The following DYNC2H1 variants were observed in gnomAD, a reference collection of about 807,000 sequenced individuals.
DYNC2H1 encodes dynein cytoplasmic 2 heavy chain 1.
In DYNC2H1, 410 loss-of-function variants were observed where a neutral mutation model predicts 570.0. The observed-to-expected ratio is 0.72, with a 90% CI of 0.66 to 0.78. The LOEUF (loss-of-function observed/expected upper bound fraction) is 0.78, where lower values mean the gene tolerates loss of function less well. DYNC2H1 is among the 30% of genes least tolerant of loss of function. The pLI is 0.00. For synonymous variants in DYNC2H1, 1,688 were observed against 1,677.6 expected (o/e 1.01, Z -0.15); for missense variants, 4,865 against 5,046.4 (o/e 0.96, Z 1.09).
Position 103,185,821 on chromosome 11 carries a change from T to C in DYNC2H1, c.6634-421T>C. Among the ~76,000 whole-genome samples the C allele has an allele frequency of 6.6e-6, 1 of 151,940 alleles. No individual in the cohort carries two copies. Among genetic ancestry groups the C allele is most frequent in the Admixed American group, 6.6e-5 (1 of 15,184 alleles). ...GGGCTAACTCTGCTTTATATATGCA[T>C]AGATAACAGTTTTCAGTATTAAAAA... On this transcript the variant is annotated intron_variant, in intron 41 of 88. Coordinates refer to ENST00000375735, the MANE Select transcript of DYNC2H1 (RefSeq NM_001377.3). This position sits in a 1 kb window ranked among gnomAD's most constrained non-coding sequence, Gnocchi z 4.5.
rs754742982 is a variant in DYNC2H1, at chr11:103,120,677, T to A, written c.1135-12T>A. 6.2e-7 allele frequency: 1 copy of A among 1,610,240 alleles called. No individual in the cohort carries two copies. The highest frequency in any genetic ancestry group is 1.3e-5 in the African/African-American group (1 of 74,916). On this transcript the variant is annotated splice_polypyrimidine_tract_variant and intron_variant, in intron 7 of 88. Coordinates refer to ENST00000375735, the MANE Select transcript of DYNC2H1 (RefSeq NM_001377.3). ...AAATACTAAAGTCTAACAATGTTGT[T>A]AATGTATGTAGCCCTTGTGGAAAGC...
intron 85 of DYNC2H1, among the ~76,000 whole-genome samples, chr11:103,444,598 G>A (rs1285544742): frequency 6.6e-6 from 1 of 152,184 alleles, no homozygotes; most frequent in Non-Finnish European, 1.5e-5. Flanking sequence ...ATATAAGGAT[G>A]CTGTAAAGCA....
At chr11:103,270,618 A>G (rs935319549) in intron 70 of DYNC2H1, among the ~76,000 whole-genome samples, 3 of 151,122 alleles carry the variant, frequency 2.0e-5, no homozygotes, top group African/African-American at 4.9e-5. Context: ...ATCTTATTGT[A>G]CTCTACTCAC....
At chr11:103,276,375 A>C (rs957403205) in intron 70 of DYNC2H1, among the ~76,000 whole-genome samples, 3 of 152,158 alleles carry the variant, frequency 2.0e-5, no homozygotes, top group Non-Finnish European at 2.9e-5. Context: ...CTGTAGGTTT[A>C]TAATTACACA....
Position 103,181,556 on chromosome 11 carries a change from ATATAT to A in DYNC2H1, c.6348-197_6348-193del, listed in dbSNP as rs1158111369. Among the ~76,000 whole-genome samples, 1 of 151,678 alleles carries A rather than the reference ATATAT, an allele frequency of 6.6e-6. No homozygotes were observed. The highest frequency in any genetic ancestry group is 1.5e-5 in the Non-Finnish European group (1 of 67,720). On this transcript the variant is annotated intron_variant, in intron 39 of 88. Transcript: ENST00000375735. The surrounding 1 kb of genome is among the most constrained non-coding windows in gnomAD (Gnocchi z 5.0). Reference sequence around the variant, plus strand: ...TATACCTATATGCATGTGTGTTTGTATATATTATGTGTATGTATACACACACACAG... The same window carrying A: ...TATACCTATATGCATGTGTGTTTGTATATGTGTATGTATACACACACACAG...
rs184263752 is a variant in DYNC2H1, at chr11:103,109,710, G to C, written c.136G>C (p.Gly46Arg). 6.2e-7 allele frequency: 1 copy of C among 1,613,860 alleles called. No individual in the cohort carries two copies. The highest frequency in any genetic ancestry group is 2.2e-5 in the East Asian group (1 of 44,872). Residue 46 changes from glycine to arginine, a missense_variant, in exon 1 of 89, where the codon GGC becomes CGC. Physicochemically the swap from Gly to Arg is moderately radical, Grantham distance 125. Around this residue, in one of 5 missense-constraint regions of DYNC2H1, gnomAD observed 1,936 missense variants for 1,962.1 expected, o/e 0.99. Transcript: ENST00000375735. Reference protein sequence around the residue: ...CLEINNFLDDGNQMLLRVQRS... With the variant: ...CLEINNFLDDRNQMLLRVQRS... ...TGAAATCAACAACTTCTTGGATGACGGCAACCAGATGCTCCTCAGGGTGCA... is the reference window on the plus strand; with the variant it reads ...TGAAATCAACAACTTCTTGGATGACCGCAACCAGATGCTCCTCAGGGTGCA...
At chr11:103,137,139 T>C (rs1408139373) in intron 17 of DYNC2H1, among the ~76,000 whole-genome samples, 1 of 148,120 alleles carries the variant, frequency 6.8e-6, no homozygotes, top group Non-Finnish European at 1.5e-5. Context: ...CTTTGTCAGA[T>C]GAGTAGGTTG....
intron 17 of DYNC2H1, among the ~76,000 whole-genome samples, chr11:103,138,108 C>T (rs1859677846): frequency 6.6e-6 from 1 of 151,890 alleles, no homozygotes; most frequent in Admixed American, 6.6e-5. Flanking sequence ...AGTTGCTTAT[C>T]AGCTTAAGGA....
In DYNC2H1 at chr11:103,253,282, T is replaced by C; in HGVS notation, c.10043-3T>C. ...CAACCAATTGTGTGTTTTTTTTAAA[T>C]AGGACCACGTTATGTGGTACAAATA... is the stretch of plus-strand genomic sequence containing the variant. On this transcript the variant is annotated splice_region_variant and splice_polypyrimidine_tract_variant and intron_variant, in intron 65 of 88. Coordinates refer to ENST00000375735, the MANE Select transcript of DYNC2H1 (RefSeq NM_001377.3). 3 of 1,599,840 alleles carry C rather than the reference T, an allele frequency of 1.9e-6. No homozygotes were observed. The highest frequency in any genetic ancestry group is 2.6e-6 in the Non-Finnish European group (3 of 1,172,674).
chr11:103,316,485 A>T, intron 79 of DYNC2H1, 60 bp from the exon 80 acceptor site: 1 of 1,154,812 alleles, frequency 8.7e-7, no homozygotes, highest in Non-Finnish European at 1.2e-6. Context: ...ACAGTGATAC[A>T]TACATATATA....
intron 83 of DYNC2H1, among the ~76,000 whole-genome samples, chr11:103,382,594 C>G (rs184211138): frequency 1.3e-5 from 2 of 152,102 alleles, no homozygotes; most frequent in African/African-American, 4.8e-5. Context: ...CTTTGTGGTA[C>G]GATACTTATT....
chr11:103,215,551 G>C (rs1263438634), intron 54 of DYNC2H1, among the ~76,000 whole-genome samples, 170 bp from the exon 55 acceptor site: 1 of 152,132 alleles, frequency 6.6e-6, no homozygotes, highest in Non-Finnish European at 1.5e-5. Context: ...TGAGTATCAT[G>C]TGAAATAAAT....
At chr11:103,345,394 T>C (rs1036936186) in intron 82 of DYNC2H1, among the ~76,000 whole-genome samples, 2 of 152,220 alleles carry the variant, frequency 1.3e-5, no homozygotes, top group South Asian at 2.1e-4. Flanking sequence ...AGAATTGTTA[T>C]GTCAAATTGT....
At position 103,252,721 on chromosome 11, in the gene DYNC2H1, G is replaced by A. The variant is rs1001436493; in HGVS notation, c.10043-564G>A. Among the ~76,000 whole-genome samples, 1 of 151,966 alleles carries A rather than the reference G, an allele frequency of 6.6e-6. No individual in the cohort carries two copies. The highest frequency in any genetic ancestry group is 1.5e-5 in the Non-Finnish European group (1 of 67,962). The stretch of plus-strand genomic sequence containing the variant: ...ATCTTTCTGCTATTGAATTGTATGA[G>A]TTTTTTCTTTATACATTTTGGATAT... On this transcript the variant is annotated intron_variant, in intron 65 of 88. Coordinates refer to ENST00000375735, the MANE Select transcript of DYNC2H1 (RefSeq NM_001377.3). This position sits in a 1 kb window ranked among gnomAD's most constrained non-coding sequence, Gnocchi z 4.6.
At position 103,299,766 on chromosome 11, in the gene DYNC2H1, A is replaced by G. The variant is rs987977334; in HGVS notation, c.11096-3327A>G. On this transcript the variant is annotated intron_variant, in intron 75 of 88. Coordinates refer to ENST00000375735, the MANE Select transcript of DYNC2H1 (RefSeq NM_001377.3). This position sits in a 1 kb window ranked among gnomAD's most constrained non-coding sequence, Gnocchi z 4.5. ...GGTTCATGACCTTAGTTACATTTGCAAAGTCCCTTCACAGCAGTACTTAGT... is the reference window on the plus strand; with the variant it reads ...GGTTCATGACCTTAGTTACATTTGCGAAGTCCCTTCACAGCAGTACTTAGT... Among the ~76,000 whole-genome samples the G allele has an allele frequency of 6.6e-6, 1 of 152,092 alleles. No individual in the cohort carries two copies. The highest frequency in any genetic ancestry group is 2.4e-5 in the African/African-American group (1 of 41,452).
At chr11:103,162,161 C>G (rs757946672) in intron 29 of DYNC2H1, among the ~76,000 whole-genome samples, 1 of 151,964 alleles carries the variant, frequency 6.6e-6, no homozygotes, top group Non-Finnish European at 1.5e-5. Flanking sequence ...AAAGTTGAAA[C>G]TCTGGAAGCT....
chr11:103,406,945 G>A (rs576138480), intron 84 of DYNC2H1: 45 of 151,982 alleles, frequency 3.0e-4, no homozygotes, highest in African/African-American at 1.1e-3. Context: ...TATTACTAGG[G>A]CTATTATTAA....
intron 60 of DYNC2H1, among the ~76,000 whole-genome samples, chr11:103,231,893 T>G (rs1312815230): frequency 6.6e-6 from 1 of 151,962 alleles, no homozygotes; most frequent in African/African-American, 2.4e-5. Flanking sequence ...CCTCTCTCTC[T>G]TCTTCAGTTT....
intron 59 of DYNC2H1, among the ~76,000 whole-genome samples, chr11:103,229,593 C>T (rs575833442): frequency 1.3e-5 from 2 of 152,288 alleles, no homozygotes; most frequent in Admixed American, 1.3e-4. Flanking sequence ...GAAACATCTT[C>T]ATTGATCTGT....
Sources: allele counts gnomAD v4.1 joint callset (sites outside exome capture counted in the v4.1 genomes callset), GRCh38; gene constraint gnomAD v4.1.1; regional missense constraint gnomAD v4.1.1; non-coding constraint Gnocchi (gnomAD v3.1); transcripts MANE v1.5; gene names NCBI Gene and HGNC (gene_info 2026-07-23, HGNC 2026-07-21).